The following UQCRC2 variants were observed in gnomAD, a reference collection of about 807,000 sequenced individuals.
UQCRC2 encodes the protein ubiquinol-cytochrome c reductase core protein 2, also known as cytochrome b-c1 complex subunit 2, mitochondrial.
Under a neutral mutation model 55.6 loss-of-function variants are expected in UQCRC2, and 49 were observed. The observed-to-expected ratio is 0.88, with a 90% confidence interval of 0.70 to 1.12. The LOEUF (loss-of-function observed/expected upper bound fraction) is 1.12. UQCRC2 is among the 50% of genes most tolerant of loss of function. The pLI, the probability that UQCRC2 is intolerant of heterozygous loss-of-function variation, is 0.00. For synonymous variants in UQCRC2, 193 were observed against 192.0 expected (o/e 1.01, Z -0.04); for missense variants, 506 against 547.8 (o/e 0.92, Z 0.76).
chr16:21,972,877 G>A (rs531607781), intron 10 of UQCRC2, among the ~76,000 whole-genome samples: 6 of 151,540 alleles, frequency 4.0e-5, no homozygotes, highest in South Asian at 2.1e-4. Context: ...CAAGTTGGGC[G>A]GATCACAAGG....
Position 21,983,196 on chromosome 16 carries a change from G to A in UQCRC2, c.*25G>A. ...ATACTGATGCACACATTACAGGAGA[G>A]AGCTGAACGTTCTCTCAGCCCAGAG... On this transcript the variant is annotated 3_prime_UTR_variant, in exon 14 of 14. Coordinates refer to ENST00000268379, the MANE Select transcript of UQCRC2 (RefSeq NM_003366.4). The A allele has an allele frequency of 6.3e-7, 1 of 1,599,394 alleles. No homozygotes were observed. The highest frequency in any genetic ancestry group is 8.6e-7 in the Non-Finnish European group (1 of 1,168,830).
intron 12 of UQCRC2, among the ~76,000 whole-genome samples, chr16:21,978,824 C>G (rs1700586994): frequency 6.6e-6 from 1 of 152,152 alleles, no homozygotes; most frequent in Non-Finnish European, 1.5e-5. Flanking sequence ...TAAAATTGCC[C>G]TGTTTCACTG....
intron 13 of UQCRC2, 36 bp downstream of exon 13, chr16:21,980,736 G>T (rs766623747): frequency 1.2e-6 from 2 of 1,607,660 alleles, no homozygotes; most frequent in South Asian, 2.2e-5. Flanking sequence ...TAACAACAGA[G>T]AACTTAACCT....
chr16:21,956,991 C>T (rs918414515), intron 1 of UQCRC2, among the ~76,000 whole-genome samples: 2 of 151,898 alleles, frequency 1.3e-5, no homozygotes, highest in Non-Finnish European at 2.9e-5. Flanking sequence ...ATGGCTTGAA[C>T]CCAGGAGGTA....
At position 21,976,182 on chromosome 16, in the gene UQCRC2, T is replaced by C; in HGVS notation, c.1063T>C (p.Tyr355His). 3 of 1,614,024 alleles carry C rather than the reference T, an allele frequency of 1.9e-6. No homozygotes were observed. The highest frequency in any genetic ancestry group is 8.5e-7 in the Non-Finnish European group (1 of 1,179,890). Residue 355 changes from tyrosine (Y) to histidine (H), a missense_variant, in exon 12 of 14, where the codon TAT (tyrosine) becomes CAT (histidine). Coordinates refer to ENST00000268379, the MANE Select transcript of UQCRC2 (RefSeq NM_003366.4). ...TCTGTCCTAGGTTATCAAGGCTGCC[T>C]ATAATCAAGTAAAAACAATAGCTCA... is the stretch of plus-strand genomic sequence containing the variant. ...TAAGDVIKAA[Y>H]NQVKTIAQGN...
intron 7 of UQCRC2, among the ~76,000 whole-genome samples, chr16:21,966,927 T>C (rs1387932862): frequency 6.6e-6 from 1 of 152,204 alleles, no homozygotes; most frequent in African/African-American, 2.4e-5. Context: ...TATTCAACCA[T>C]TCAAAAATAT....
intron 1 of UQCRC2, among the ~76,000 whole-genome samples, chr16:21,955,054 C>A (rs1183848823): frequency 6.0e-3 from 609 of 101,674 alleles, no homozygotes; most frequent in East Asian, 0.02. Flanking sequence ...GACTCCGTCT[C>A]AAAAAAAAAA....
At chr16:21,962,620 G>A in intron 5 of UQCRC2, 104 bp downstream of exon 5, 1 of 1,592,492 alleles carries the variant, frequency 6.3e-7, no homozygotes, top group Non-Finnish European at 8.6e-7. Flanking sequence ...TTCCATTTTG[G>A]ATTATTGTTC....
At chr16:21,980,365 A>T in intron 12 of UQCRC2, 182 bp from the exon 13 acceptor site, 1 of 657,730 alleles carries the variant, frequency 1.5e-6, no homozygotes, top group Non-Finnish European at 2.5e-6. Flanking sequence ...CTTCAGACTT[A>T]CTGTTTTAGT....
At chr16:21,961,560 A>G (rs1253843536) in intron 4 of UQCRC2, 1 of 149,650 alleles carries the variant, frequency 6.7e-6, no homozygotes, top group African/African-American at 2.4e-5. Context: ...TTGGAAGGGT[A>G]CGAAAAGATC....
chr16:21,957,396 T>G (rs376048468), intron 2 of UQCRC2, 21 bp from the exon 3 acceptor site: 11 of 1,613,872 alleles, frequency 6.8e-6, no homozygotes, highest in African/African-American at 2.7e-5. Flanking sequence ...TCATTATATC[T>G]CTACTTTATT....
intron 11 of UQCRC2, among the ~76,000 whole-genome samples, chr16:21,974,888 G>C (rs1898545727): frequency 6.6e-6 from 1 of 152,200 alleles, no homozygotes; most frequent in African/African-American, 2.4e-5. Context: ...CCTCCTCAGT[G>C]AGACAGGAGG....
intron 1 of UQCRC2, among the ~76,000 whole-genome samples, chr16:21,954,105 C>T (rs1898054639): frequency 6.6e-6 from 1 of 152,112 alleles, no homozygotes; most frequent in Admixed American, 6.6e-5. Context: ...AGGGTTATAT[C>T]ACTGTGGGAC....
At chr16:21,976,921 T>C (rs993583492) in intron 12 of UQCRC2, 1 of 152,260 alleles carries the variant, frequency 6.6e-6, no homozygotes, top group African/African-American at 2.4e-5. Flanking sequence ...GTGCATTTTC[T>C]GCAGTTATAA....
chr16:21,961,627 T>TAC (rs1898202254), intron 4 of UQCRC2, among the ~76,000 whole-genome samples: 1 of 2,138 alleles, frequency 4.7e-4, no homozygotes, highest in Non-Finnish European at 6.7e-4. Context: ...ACATAAAATT[T>TAC]ATATATATAT....
At chr16:21,974,194 T>C (rs1898529307) in intron 11 of UQCRC2, among the ~76,000 whole-genome samples, 2 of 152,210 alleles carry the variant, frequency 1.3e-5, no homozygotes, top group Admixed American at 1.3e-4. Context: ...CTCCTTCATG[T>C]TTTGGTTCTG....
intron 8 of UQCRC2, among the ~76,000 whole-genome samples, chr16:21,969,099 T>A (rs1238418961): frequency 1.3e-5 from 2 of 152,274 alleles, no homozygotes; most frequent in Non-Finnish European, 2.9e-5. Flanking sequence ...ATTAAGAAAA[T>A]TTTAATCTGT....
intron 3 of UQCRC2, among the ~76,000 whole-genome samples, 170 bp from the exon 4 acceptor site, chr16:21,958,365 G>A (rs1009883011): frequency 1.3e-5 from 2 of 152,126 alleles, no homozygotes; most frequent in African/African-American, 4.8e-5. Context: ...ATGTAAAAAT[G>A]TATACTTAAG....
In UQCRC2 at chr16:21,972,217, C is replaced by T. The variant is rs1898480846; in HGVS notation, c.966+95C>T. 2.1e-6 allele frequency: 3 copies of T among 1,438,924 alleles called. No homozygotes were observed. In the South Asian group the frequency reaches 3.8e-5, roughly 18 times the overall value. The allele number at this position is 1,438,924 out of a possible 1,614,324, so 89.1% of individuals were successfully genotyped here. A position where few individuals can be genotyped will look rare whatever the true frequency, so the allele number is the denominator to read the frequency against. ...ATCTACTCTTAAAATGTAAGACAAA[C>T]ACACAGAAAATCTTTGTACAATTGA... On this transcript the variant is annotated intron_variant, in intron 10 of 13. Coordinates refer to ENST00000268379, the MANE Select transcript of UQCRC2 (RefSeq NM_003366.4).
Sources: gnomAD v4.1 joint callset for allele counts (sites outside exome capture counted in the v4.1 genomes callset) on GRCh38, gnomAD v4.1.1 for gene constraint, MANE v1.5 for transcripts, NCBI Gene and HGNC (gene_info 2026-07-23, HGNC 2026-07-21) for gene names.